The following ELP4 variants were observed in gnomAD, a reference collection of about 807,000 sequenced individuals.
ELP4 encodes elongator acetyltransferase complex subunit 4.
In ELP4, 51 loss-of-function variants were observed where a neutral mutation model predicts 48.9. That is an observed-to-expected ratio of 1.04 (90% CI 0.83 to 1.32). The LOEUF (loss-of-function observed/expected upper bound fraction) is 1.32. Among genes scored for constraint, ELP4 ranks in the 40% most tolerant of loss-of-function variants. ELP4 has a pLI of 0.00. For missense variants in ELP4, 519 were observed against 514.6 expected (o/e 1.01, Z -0.08); for synonymous variants, 210 against 189.2 (o/e 1.11, Z -0.90).
chr11:31,640,290 G>A (rs1031482255), intron 7 of ELP4, among the ~76,000 whole-genome samples: 1 of 151,642 alleles, frequency 6.6e-6, no homozygotes, highest in Non-Finnish European at 1.5e-5. Context: ...CTTTGGCATT[G>A]TAAGATATCT....
intron 9 of ELP4, among the ~76,000 whole-genome samples, chr11:31,727,220 G>C (rs1036033419): frequency 1.1e-4 from 17 of 151,816 alleles, no homozygotes; most frequent in Non-Finnish European, 2.4e-4. Flanking sequence ...AACGAGGAAA[G>C]CTGTGTCTCA....
At chr11:31,557,231 G>A (rs948667966) in intron 3 of ELP4, among the ~76,000 whole-genome samples, 1 of 151,392 alleles carries the variant, frequency 6.6e-6, no homozygotes, top group African/African-American at 2.4e-5. Context: ...TAATTCGAAG[G>A]GTTTATATTA....
intron 4 of ELP4, among the ~76,000 whole-genome samples, chr11:31,601,386 C>T (rs1310938714): frequency 1.3e-5 from 2 of 151,706 alleles, no homozygotes; most frequent in African/African-American, 4.8e-5. Flanking sequence ...TTCATGGCTA[C>T]CTTATGAATA....
chr11:31,729,498 A>G (rs1043968272), intron 9 of ELP4, among the ~76,000 whole-genome samples: 1 of 152,236 alleles, frequency 6.6e-6, no homozygotes, highest in African/African-American at 2.4e-5. Flanking sequence ...ATACTGACAT[A>G]CTAGAAATTA....
chr11:31,592,001 G>T (rs1446957033), intron 3 of ELP4, among the ~76,000 whole-genome samples: 1 of 152,140 alleles, frequency 6.6e-6, no homozygotes, highest in African/African-American at 2.4e-5. Context: ...AGACACAAAA[G>T]GTCACGTATT....
intron 5 of ELP4, among the ~76,000 whole-genome samples, chr11:31,612,608 T>C (rs898069591): frequency 6.6e-6 from 1 of 152,200 alleles, no homozygotes; most frequent in East Asian, 1.9e-4. Context: ...TTGCTGTTGA[T>C]ACATATGTAT....
intron 9 of ELP4, among the ~76,000 whole-genome samples, chr11:31,735,652 A>G (rs528505676): frequency 6.6e-6 from 1 of 152,296 alleles, no homozygotes; most frequent in East Asian, 1.9e-4. Flanking sequence ...TCAATGTACA[A>G]AAATCACAAG....
chr11:31,698,975 A>T (rs113138704), intron 9 of ELP4, among the ~76,000 whole-genome samples: 23 of 152,220 alleles, frequency 1.5e-4, no homozygotes, highest in African/African-American at 4.6e-4. Flanking sequence ...ATTTTAGAAC[A>T]AATAAATGGT....
At chr11:31,566,618 G>A (rs1037652648) in intron 3 of ELP4, among the ~76,000 whole-genome samples, 1 of 152,066 alleles carries the variant, frequency 6.6e-6, no homozygotes, top group Admixed American at 6.5e-5. Flanking sequence ...TTATATTGAT[G>A]CAACACTTAG....
At chr11:31,629,405 C>T (rs1234791393) in intron 6 of ELP4, among the ~76,000 whole-genome samples, 1 of 151,788 alleles carries the variant, frequency 6.6e-6, no homozygotes, top group Non-Finnish European at 1.5e-5. Context: ...TTTGTTTTTG[C>T]AATTACCATT....
rs1274880932 is a variant in ELP4 at position 31,632,218 on chromosome 11, A to T, written c.740A>T (p.Lys247Ile). 2 of 1,595,844 alleles carry T rather than the reference A, an allele frequency of 1.3e-6. No individual in the cohort carries two copies. Among genetic ancestry groups the T allele is most frequent in the Non-Finnish European group, 1.7e-6 (2 of 1,174,408 alleles). The change falls in exon 7 of 10, where the codon AAA (lysine) becomes ATA (isoleucine). Residue 247 changes from lysine (K) to isoleucine (I), a missense_variant and splice_region_variant. Coordinates refer to ENST00000640961, the MANE Select transcript of ELP4 (RefSeq NM_019040.5). ...TGCTTTTTTCCCACTTTCTTTTAGA[A>T]AAAACAGAGAAACATTTTAAGAATA... ...EEGFDGSNPQ[K>I]KQRNILRIGI...
At chr11:31,719,654 A>G (rs1946917555) in intron 9 of ELP4, 1 of 391,676 alleles carries the variant, frequency 2.6e-6, no homozygotes. Context: ...AAAAAGAAAT[A>G]TAGGGCGAAT....
At chr11:31,636,175 A>C (rs1185591356) in intron 7 of ELP4, among the ~76,000 whole-genome samples, 2 of 151,998 alleles carry the variant, frequency 1.3e-5, no homozygotes, top group East Asian at 3.9e-4. Context: ...TCCTATTCAC[A>C]TGGAACTTTT....
intron 3 of ELP4, among the ~76,000 whole-genome samples, chr11:31,572,993 G>A (rs1440969133): frequency 6.6e-6 from 1 of 152,142 alleles, no homozygotes; most frequent in African/African-American, 2.4e-5. Context: ...GGGCAACAAA[G>A]CAAGACTCTG....
At position 31,790,277 on chromosome 11, in the gene ELP4, G is replaced by T; in HGVS notation, c.*6753G>T. ...AAGGAAAAGAAAAAAAAAATCCTCT[G>T]TTTGTTTGCATGTTTGGAACTTTTA... On this transcript the variant is annotated 3_prime_UTR_variant, in exon 10 of 10. Coordinates refer to ENST00000640961, the MANE Select transcript of ELP4 (RefSeq NM_019040.5). The T allele has an allele frequency of 3.6e-6, 2 of 557,974 alleles. No homozygotes were observed. Among genetic ancestry groups the T allele is most frequent in the Non-Finnish European group, 5.7e-6 (2 of 351,758 alleles). The allele number at this position is 557,974 out of a possible 1,614,324, so 34.6% of individuals were successfully genotyped here.
chr11:31,597,862 C>T (rs1957701372), intron 4 of ELP4, among the ~76,000 whole-genome samples: 1 of 151,492 alleles, frequency 6.6e-6, no homozygotes, highest in African/African-American at 2.4e-5. Flanking sequence ...CCACTGCACC[C>T]AGCTGATTTT....
intron 7 of ELP4, among the ~76,000 whole-genome samples, chr11:31,642,652 A>G (rs1333099293): frequency 6.6e-6 from 1 of 151,868 alleles, no homozygotes; most frequent in Non-Finnish European, 1.5e-5. Flanking sequence ...TCTGTATTCT[A>G]AAATTAACCA....
chr11:31,533,955 C>T (rs1311624376), intron 2 of ELP4, among the ~76,000 whole-genome samples: 1 of 152,034 alleles, frequency 6.6e-6, no homozygotes, highest in Non-Finnish European at 1.5e-5. Context: ...CCTGGCACAG[C>T]CTCCCGAGTA....
Position 31,686,736 on chromosome 11 carries a change from G to A in ELP4, c.1143+36515G>A, listed in dbSNP as rs1429943243. 5.9e-5 allele frequency among the ~76,000 whole-genome samples: 9 copies of A among 152,196 alleles called. No homozygotes were observed. In the East Asian group the frequency reaches 9.7e-4, roughly 16 times the overall value. On this transcript the variant is annotated intron_variant, in intron 9 of 9. Transcript: ENST00000640961. Reference sequence around the variant, plus strand: ...CTACACAAAATTAGCCAGGCATGGTGGCGACACTTGTGGTCCCAGCTACTT... The same window carrying A: ...CTACACAAAATTAGCCAGGCATGGTAGCGACACTTGTGGTCCCAGCTACTT...
Sources: allele counts gnomAD v4.1 joint callset (sites outside exome capture counted in the v4.1 genomes callset), GRCh38; gene constraint gnomAD v4.1.1; transcripts MANE v1.5; gene names NCBI Gene and HGNC (gene_info 2026-07-23, HGNC 2026-07-21).